Variants in PUDP observed in about 807,000 individuals in gnomAD.
PUDP encodes the protein pseudouridine-5'-phosphatase.
PUDP carries 8 observed loss-of-function variants against 9.4 expected under a neutral mutation model. The observed-to-expected ratio is 0.85, with a 90% CI of 0.50 to 1.53. The LOEUF is 1.53. PUDP is among the 40% of genes most tolerant of loss of function. The pLI, the probability that PUDP is intolerant of heterozygous loss-of-function variation, is 0.00. For missense variants in PUDP, 188 were observed against 189.7 expected (o/e 0.99, Z 0.05); for synonymous variants, 99 against 80.7 (o/e 1.23, Z -1.22).
intron 2 of PUDP, among the ~76,000 whole-genome samples, chrX:7,081,674 C>G (rs1569154766): frequency 8.9e-6 from 1 of 112,803 alleles, no homozygotes; most frequent in Admixed American, 9.3e-5. Flanking sequence ...AGATGAAAGC[C>G]AAGACAAGAC....
intron 1 of PUDP, among the ~76,000 whole-genome samples, chrX:7,042,954 C>T (rs1304542469): frequency 1.8e-5 from 2 of 111,861 alleles, no homozygotes; most frequent in African/African-American, 6.5e-5. Context: ...GGGGGCAGGG[C>T]TATGTCTATC....
chrX:7,022,534 CA>C (rs1929647699), intron 1 of PUDP, among the ~76,000 whole-genome samples: 1 of 111,348 alleles, frequency 9.0e-6, no homozygotes, highest in Non-Finnish European at 1.9e-5. Context: ...TGGGAGCAGT[CA>C]AGACCAAAGC....
chrX:6,817,550 C>G (rs1926271585), intron 3 of PUDP, among the ~76,000 whole-genome samples: 1 of 111,898 alleles, frequency 8.9e-6, no homozygotes, highest in African/African-American at 3.2e-5. Context: ...AGAAGAAGAT[C>G]TCTTATAGGC....
In PUDP at chrX:7,130,201, G is replaced by C. The variant is rs747234046; in HGVS notation, c.61+17852C>G. Among the ~76,000 whole-genome samples, 6 of 111,328 alleles carry C rather than the reference G, an allele frequency of 5.4e-5. No homozygotes were observed. The South Asian group carries it at 2.3e-3, about 43-fold the overall frequency. ...AGTAGAATAAAAGGACTTCAAAGTT[G>C]TGAGTTCGGCACCCTTACGTGTCAA... is the stretch of plus-strand genomic sequence containing the variant. On this transcript the variant is annotated intron_variant, in intron 1 of 3. Coordinates refer to ENST00000381077, the MANE Select transcript of PUDP (RefSeq NM_012080.5).
chrX:6,945,965 AC>A (rs1177016767), intron 3 of PUDP, among the ~76,000 whole-genome samples: 1 of 110,926 alleles, frequency 9.0e-6, no homozygotes, highest in African/African-American at 3.3e-5. Context: ...CTCGCTAACC[AC>A]CATTAGACTT....
intron 3 of PUDP, among the ~76,000 whole-genome samples, chrX:6,742,057 C>A (rs766235077): frequency 9.0e-6 from 1 of 111,030 alleles, no homozygotes; most frequent in African/African-American, 3.3e-5. Context: ...TTTCACCATA[C>A]TGGCCAGGCT....
chrX:6,816,487 A>G (rs1178917735), intron 3 of PUDP, among the ~76,000 whole-genome samples: 1 of 102,888 alleles, frequency 9.7e-6, no homozygotes, highest in African/African-American at 3.5e-5. Flanking sequence ...ATGGTATACT[A>G]TATACTATAT....
chrX:6,964,509 C>CA (rs1928753943), intron 3 of PUDP, among the ~76,000 whole-genome samples: 3 of 110,226 alleles, frequency 2.7e-5, no homozygotes, highest in African/African-American at 9.9e-5. Flanking sequence ...TCTGTCTCTA[C>CA]AAAAAATTTT....
At chrX:7,140,609 A>G (rs1462952583) in intron 1 of PUDP, among the ~76,000 whole-genome samples, 1 of 111,952 alleles carries the variant, frequency 8.9e-6, no homozygotes, top group African/African-American at 3.3e-5. Flanking sequence ...GAATAATCGC[A>G]AAGATAAAAA....
chrX:7,112,410 T>C (rs1006897950), intron 1 of PUDP, among the ~76,000 whole-genome samples: 2 of 112,473 alleles, frequency 1.8e-5, no homozygotes, highest in Non-Finnish European at 3.7e-5. Flanking sequence ...CGCTTACTTA[T>C]GAAGTTACAC....
intron 3 of PUDP, among the ~76,000 whole-genome samples, chrX:6,776,112 C>T (rs1925455271): frequency 8.9e-6 from 1 of 111,781 alleles, no homozygotes; most frequent in African/African-American, 3.3e-5. Flanking sequence ...GTGCGATCAC[C>T]AGCAAGTGTG....
Position 7,141,278 on chromosome X carries a change from G to A in PUDP, c.61+6775C>T, listed in dbSNP as rs186253644. ...GCCAAGTTGTGAATGCAAAGGAAAA[G>A]TTCTTGAAGGAAATTAAACGTGCTA... On this transcript the variant is annotated intron_variant, in intron 1 of 3. Transcript: ENST00000381077. 5.7e-3 allele frequency among the ~76,000 whole-genome samples: 640 copies of A among 112,858 alleles called. 4 individuals are homozygous for A. The highest frequency in any genetic ancestry group is 0.02 in the African/African-American group (621 of 31,107).
intron 1 of PUDP, among the ~76,000 whole-genome samples, chrX:7,119,645 C>A (rs1932287089): frequency 8.9e-6 from 1 of 112,383 alleles, no homozygotes; most frequent in African/African-American, 3.2e-5. Context: ...TGATCATCTG[C>A]AAAGTAAAAC....
At chrX:6,988,319 C>T (rs1929129880) in intron 1 of PUDP, among the ~76,000 whole-genome samples, 1 of 111,374 alleles carries the variant, frequency 9.0e-6, no homozygotes, top group African/African-American at 3.3e-5. Context: ...ATGCATATTC[C>T]TGGACCAAAC....
chrX:6,740,169 C>A (rs1222281995), intron 3 of PUDP, among the ~76,000 whole-genome samples: 2 of 111,903 alleles, frequency 1.8e-5, no homozygotes, highest in Admixed American at 9.5e-5. Flanking sequence ...GGTCACCCTG[C>A]ATTCCATGGA....
At chrX:7,112,981 T>A (rs1357916505) in intron 1 of PUDP, 4 of 112,594 alleles carry the variant, frequency 3.6e-5, no homozygotes, top group African/African-American at 1.3e-4. Flanking sequence ...AGCTTTTCAC[T>A]GATCATGTTA....
At chrX:6,804,509 G>A (rs1926016908) in intron 3 of PUDP, among the ~76,000 whole-genome samples, 1 of 112,119 alleles carries the variant, frequency 8.9e-6, no homozygotes, top group Admixed American at 9.5e-5. Context: ...GGAAAGGGAA[G>A]AATCTCACTG....
intron 3 of PUDP, among the ~76,000 whole-genome samples, chrX:6,968,710 C>T (rs935085520): frequency 3.6e-5 from 4 of 110,465 alleles, no homozygotes; most frequent in African/African-American, 1.3e-4. Context: ...ACCTCCACCT[C>T]CCCAGTTCAA....
chrX:6,786,714 T>A (rs1021787808), intron 3 of PUDP, among the ~76,000 whole-genome samples: 4 of 111,775 alleles, frequency 3.6e-5, no homozygotes, highest in African/African-American at 1.3e-4. Flanking sequence ...TTTTCACCCA[T>A]CCATATGAAC....
Sources: gnomAD v4.1 joint callset for allele counts (sites outside exome capture counted in the v4.1 genomes callset) on GRCh38, gnomAD v4.1.1 for gene constraint, MANE v1.5 for transcripts, NCBI Gene and HGNC (gene_info 2026-07-23, HGNC 2026-07-21) for gene names.